The following TNXB variants were observed in gnomAD, a reference collection of about 807,000 sequenced individuals.
TNXB encodes the protein tenascin-X.
Under a neutral mutation model 340.5 loss-of-function variants are expected in TNXB, and 183 were observed. The ratio of observed to expected loss-of-function variants is 0.54; its 90% CI spans 0.48 to 0.61. The LOEUF (loss-of-function observed/expected upper bound fraction) is 0.61. Among genes scored for constraint, TNXB ranks in the 20% least tolerant of loss-of-function variants. The pLI, the probability that TNXB is intolerant of heterozygous loss-of-function variation, is 0.00. For synonymous variants in TNXB, 2,121 were observed against 2,314.5 expected, an observed-to-expected ratio of 0.92 and a Z score of 2.40; for missense variants, 4,613 against 5,446.4, an observed-to-expected ratio of 0.85 and a Z score of 4.82.
rs1262845873 is a variant in TNXB, at chr6:32,081,644, G to C, written c.3766C>G (p.Pro1256Ala). 1 of 1,593,262 alleles carries C rather than the reference G, an allele frequency of 6.3e-7. No individual in the cohort carries two copies. Among genetic ancestry groups the C allele is most frequent in the South Asian group, 1.1e-5 (1 of 87,422 alleles). Residue 1256 changes from proline (P) to alanine (A), a missense_variant, in exon 10 of 44, where the codon CCT becomes GCT. Coordinates refer to ENST00000644971, the MANE Select transcript of TNXB (RefSeq NM_001365276.2). The surrounding 1 kb of genome is among the most constrained non-coding windows in gnomAD (Gnocchi z 5.1). ...APERKEEPPR[P>A]EFLEQPLLGE... ...AGGAGGGGCTGCTCCAGGAACTCAG[G>C]GCGGGGGGGCTCCTCTTTCCTCTCT...
chr6:32,048,629 G>A lies in TNXB; in HGVS notation c.9779C>T (p.Pro3260Leu), dbSNP rs557119336. 1.4e-4 allele frequency: 205 copies of A among 1,512,630 alleles called. No homozygotes were observed. The highest frequency in any genetic ancestry group is 1.7e-4 in the Non-Finnish European group (187 of 1,123,352). 93.7% of individuals were successfully genotyped at this position (1,512,630 alleles called of 1,614,324 possible). A position where few individuals can be genotyped will look rare whatever the true frequency, so the allele number is the denominator to read the frequency against. The part of the protein sequence containing the change: ...GITAPLPTPL[P>L]VEPRLGELAV... Reference sequence around the variant, plus strand: ...CAGCTCCCCCAGGCGGGGCTCCACCGGCAGTGGTGTGGGCAGGGGCGCTGA... The same window carrying A: ...CAGCTCCCCCAGGCGGGGCTCCACCAGCAGTGGTGTGGGCAGGGGCGCTGA... Residue 3260 changes from proline (P) to leucine (L), a missense_variant, in exon 29 of 44, where the codon CCG becomes CTG. Physicochemically the swap from Pro to Leu is moderately conservative, Grantham distance 98. Around this residue, in one of 7 missense-constraint regions of TNXB, gnomAD observed 4,327 missense variants for 4,859.4 expected, o/e 0.89. Coordinates refer to ENST00000644971, the MANE Select transcript of TNXB (RefSeq NM_001365276.2).
rs1188080999 is a variant in TNXB at position 32,082,754 on chromosome 6, T to A, written c.3446-428A>T. Among the ~76,000 whole-genome samples, 3 of 152,136 alleles carry A rather than the reference T, an allele frequency of 2.0e-5. No individual in the cohort carries two copies. The highest frequency in any genetic ancestry group is 4.4e-5 in the Non-Finnish European group (3 of 68,028). On this transcript the variant is annotated intron_variant, in intron 8 of 43. Coordinates refer to ENST00000644971, the MANE Select transcript of TNXB (RefSeq NM_001365276.2). The surrounding 1 kb of genome is among the most constrained non-coding windows in gnomAD (Gnocchi z 5.0). ...CTCCAAGAGAGGAGAGCACAATCCT[T>A]GAAGCGTTTTAACGTGGGACAGCCT...
Position 32,068,311 on chromosome 6 carries a change from T to C in TNXB, c.6220+79A>G. 2 of 1,543,476 alleles carry C rather than the reference T, an allele frequency of 1.3e-6. No homozygotes were observed. The highest frequency in any genetic ancestry group is 1.8e-6 in the Non-Finnish European group (2 of 1,140,922). On this transcript the variant is annotated intron_variant, in intron 17 of 43. Transcript: ENST00000644971. The surrounding 1 kb of genome is among the most constrained non-coding windows in gnomAD (Gnocchi z 5.3). The stretch of plus-strand genomic sequence containing the variant: ...TGGTGCTGACCAGACCCTTGTCCCA[T>C]TCCCCACCAGTCATCACCAAAGAGC...
intron 21 of TNXB, among the ~76,000 whole-genome samples, chr6:32,060,944 T>A (rs1777968920): frequency 6.6e-6 from 1 of 152,002 alleles, no homozygotes; most frequent in South Asian, 2.1e-4. Context: ...CAGCCTAGGC[T>A]CTCTTTTTTC....
rs1396394222 is a variant in TNXB, at chr6:32,072,587, G to T, written c.4682-289C>A. Among the ~76,000 whole-genome samples, 7 of 152,200 alleles carry T rather than the reference G, an allele frequency of 4.6e-5. No individual in the cohort carries two copies. Among genetic ancestry groups the T allele is most frequent in the Non-Finnish European group, 1.0e-4 (7 of 68,034 alleles). On this transcript the variant is annotated intron_variant, in intron 12 of 43. Transcript: ENST00000644971. The surrounding 1 kb of genome is among the most constrained non-coding windows in gnomAD (Gnocchi z 4.4). Reference sequence around the variant, plus strand: ...ATATCCATCACTGCTTCTAAATTTTGTAGTTTAGTAAACGCGCCACCAAGT... The same window carrying T: ...ATATCCATCACTGCTTCTAAATTTTTTAGTTTAGTAAACGCGCCACCAAGT...
chr6:32,085,192 C>T lies in TNXB; in HGVS notation c.3149-483G>A, dbSNP rs745665926. Among the ~76,000 whole-genome samples the T allele has an allele frequency of 6.6e-6, 1 of 152,050 alleles. No individual in the cohort carries two copies. Among genetic ancestry groups the T allele is most frequent in the African/African-American group, 2.4e-5 (1 of 41,372 alleles). On this transcript the variant is annotated intron_variant, in intron 7 of 43. Transcript: ENST00000644971. The surrounding 1 kb of genome is among the most constrained non-coding windows in gnomAD (Gnocchi z 6.4). ...ACCCCAGGACCTGTCTTTCACTGGT[C>T]CTGCAAACCTCATCCATGTCTGAAG...
intron 1 of TNXB, among the ~76,000 whole-genome samples, chr6:32,101,352 C>T (rs57832019): frequency 1.3e-5 from 2 of 151,962 alleles, no homozygotes; most frequent in Admixed American, 1.3e-4. Context: ...TGCAGTGGTG[C>T]GTCTTGGCTC....
Position 32,085,613 on chromosome 6 carries a change from T to C in TNXB, c.3148+137A>G, listed in dbSNP as rs766610241. ...GAACCTGCAATTCCTTTTCTCTCCT[T>C]TTCTCCTCTATCCAGCCCCAAACAT... On this transcript the variant is annotated intron_variant, in intron 7 of 43. Transcript: ENST00000644971. The surrounding 1 kb of genome is among the most constrained non-coding windows in gnomAD (Gnocchi z 6.4). The C allele has an allele frequency of 3.9e-6, 4 of 1,022,454 alleles. No homozygotes were observed. Among genetic ancestry groups the C allele is most frequent in the Non-Finnish European group, 5.3e-6 (4 of 758,752 alleles). The allele number at this position is 1,022,454 out of a possible 1,614,324, so 63.3% of individuals were successfully genotyped here. A position where few individuals can be genotyped will look rare whatever the true frequency, so the allele number is the denominator to read the frequency against.
rs371265858 is a variant in TNXB at position 32,056,809 on chromosome 6, G to T, written c.7920C>A (p.Thr2640=). The T allele has an allele frequency of 1.9e-5, 30 of 1,613,064 alleles. No individual in the cohort carries two copies. Among genetic ancestry groups the T allele is most frequent in the Middle Eastern group, 3.3e-4 (2 of 6,084 alleles). Residue 2640 remains threonine, a synonymous_variant, in exon 23 of 44, where the codon ACC becomes ACA. Coordinates refer to ENST00000644971, the MANE Select transcript of TNXB (RefSeq NM_001365276.2). ...RLGELTMTDA[T]PDSLSLSWTV... ...TCCAGGACAGGCTGAGGGAGTCAGG[G>T]GTGGCATCTGTCATGGTCAGCTCCC...
chr6:32,057,107 C>T (rs1373766008), intron 22 of TNXB, among the ~76,000 whole-genome samples: 1 of 151,950 alleles, frequency 6.6e-6, no homozygotes, highest in African/African-American at 2.4e-5. Flanking sequence ...CCCACCTCAC[C>T]CCCACCTCCC....
At chr6:32,102,779 G>C (rs1378146267) in intron 1 of TNXB, among the ~76,000 whole-genome samples, 2 of 152,074 alleles carry the variant, frequency 1.3e-5, no homozygotes, top group African/African-American at 4.8e-5. Flanking sequence ...AATTAGCTGG[G>C]CATGGTGGCA....
chr6:32,097,521 A>G lies in TNXB; in HGVS notation c.404-72T>C, dbSNP rs994603257. ...GAGGCTGAGCCTATGTAGTGCTCCTATGTGCAGGCCCCTAGCCAGGCTAGC... is the reference window on the plus strand; with the variant it reads ...GAGGCTGAGCCTATGTAGTGCTCCTGTGTGCAGGCCCCTAGCCAGGCTAGC... On this transcript the variant is annotated intron_variant, in intron 2 of 43. Coordinates refer to ENST00000644971, the MANE Select transcript of TNXB (RefSeq NM_001365276.2). The surrounding 1 kb of genome is among the most constrained non-coding windows in gnomAD (Gnocchi z 5.9). The G allele has an allele frequency of 1.3e-6, 2 of 1,517,040 alleles. No homozygotes were observed. The highest frequency in any genetic ancestry group is 2.7e-5 in the African/African-American group (2 of 72,934). The allele number at this position is 1,517,040 out of a possible 1,614,324, so 94.0% of individuals were successfully genotyped here.
rs1440152932 is a variant in TNXB, at chr6:32,081,923, G to A, written c.3736+113C>T. The A allele has an allele frequency of 3.6e-6, 4 of 1,098,764 alleles. No homozygotes were observed. Among genetic ancestry groups the A allele is most frequent in the Middle Eastern group, 2.9e-4 (1 of 3,472 alleles). The allele number at this position is 1,098,764 out of a possible 1,614,324, so 68.1% of individuals were successfully genotyped here. A position where few individuals can be genotyped will look rare whatever the true frequency, so the allele number is the denominator to read the frequency against. ...TGCCCCTCAGCCCTGGAGTGGGGCC[G>A]GGAAGCTGGAGTCAGCTGTCTTGCT... On this transcript the variant is annotated intron_variant, in intron 9 of 43. Transcript: ENST00000644971. The surrounding 1 kb of genome is among the most constrained non-coding windows in gnomAD (Gnocchi z 5.1).
rs1362523737 is a variant in TNXB at position 32,069,563 on chromosome 6, G to A, written c.5577C>T (p.Val1859=). The A allele has an allele frequency of 3.2e-6, 5 of 1,570,592 alleles. No homozygotes were observed. The South Asian group carries it at 3.5e-5, about 11-fold the overall frequency. The change falls in exon 15 of 44, where the codon GTC becomes GTT. Residue 1859 remains valine (V), a synonymous_variant. Coordinates refer to ENST00000644971, the MANE Select transcript of TNXB (RefSeq NM_001365276.2). The surrounding 1 kb of genome is among the most constrained non-coding windows in gnomAD (Gnocchi z 6.2). ...HGKRVGPISA[V]AITAGREETE... Reference sequence around the variant, plus strand: ...CTGCCGCACACTCACCAGTAATGGCGACGGCCGAGATGGGGCCCACACGCT... The same window carrying A: ...CTGCCGCACACTCACCAGTAATGGCAACGGCCGAGATGGGGCCCACACGCT...
At chr6:32,098,456 TTTTTGTTTTGTTTTG>T (rs60265005) in intron 1 of TNXB, among the ~76,000 whole-genome samples, 44 of 151,796 alleles carry the variant, frequency 2.9e-4, no homozygotes, top group Non-Finnish European at 5.0e-4. Context: ...TACACTGGTT[TTTTTGTTTTGTTTTG>T]TTTTGTTTTG....
rs747625465 is a variant in TNXB at position 32,058,132 on chromosome 6, C to G, written c.7751G>C (p.Arg2584Pro). ...GCCGTACAGGTGCATCTTGTACTTG[C>G]GCCCAGGCTCCAGGCCCCTCACAGT... ...KVTVRGLEPG[R>P]KYKMHLYGLH... Residue 2584 changes from arginine to proline, a missense_variant, in exon 22 of 44, where the codon CGC (arginine) becomes CCC (proline). Physicochemically the swap from Arg to Pro is moderately radical, Grantham distance 103. This residue lies in a region of TNXB where 4,327 missense variants were observed against 4,859.4 expected (regional missense o/e 0.89). Transcript: ENST00000644971. This position sits in a 1 kb window ranked among gnomAD's most constrained non-coding sequence, Gnocchi z 5.1. The G allele has an allele frequency of 2.5e-6, 4 of 1,612,582 alleles. No individual in the cohort carries two copies. Among genetic ancestry groups the G allele is most frequent in the Non-Finnish European group, 3.4e-6 (4 of 1,179,834 alleles).
At position 32,070,464 on chromosome 6, in the gene TNXB, C is replaced by T. The variant is rs1237763875; in HGVS notation, c.4991-50G>A. On this transcript the variant is annotated intron_variant, in intron 13 of 43. Coordinates refer to ENST00000644971, the MANE Select transcript of TNXB (RefSeq NM_001365276.2). The surrounding 1 kb of genome is among the most constrained non-coding windows in gnomAD (Gnocchi z 6.0). ...TATTTTTTCCAAAACGACTCCTTGA[C>T]TGCCTCCCTCTGGGGCTGGAAAAAC... The T allele has an allele frequency of 1.3e-6, 2 of 1,490,500 alleles. No homozygotes were observed. Among genetic ancestry groups the T allele is most frequent in the East Asian group, 2.4e-5 (1 of 42,234 alleles). 92.3% of individuals were successfully genotyped at this position (1,490,500 alleles called of 1,614,324 possible). A position where few individuals can be genotyped will look rare whatever the true frequency, so the allele number is the denominator to read the frequency against.
chr6:32,052,680 C>G lies in TNXB; in HGVS notation c.9105G>C (p.Val3035=). 1 of 1,613,170 alleles carries G rather than the reference C, an allele frequency of 6.2e-7. No homozygotes were observed. The highest frequency in any genetic ancestry group is 8.5e-7 in the Non-Finnish European group (1 of 1,179,466). The part of the protein sequence containing the change: ...EGQRVGPVSA[V]GVTAPKDEAE... ...CTCACACTTACTCACCTGTCACACC[C>G]ACAGCGGACACTGGGCCCACGCGCT... The change falls in exon 26 of 44, where the codon GTG becomes GTC. Residue 3035 remains valine, a synonymous_variant. Transcript: ENST00000644971. The surrounding 1 kb of genome is among the most constrained non-coding windows in gnomAD (Gnocchi z 4.7).
chr6:32,061,867 C>T lies in TNXB; in HGVS notation c.7169-147G>A. The T allele has an allele frequency of 8.2e-7, 1 of 1,217,082 alleles. No individual in the cohort carries two copies. The highest frequency in any genetic ancestry group is 1.1e-6 in the Non-Finnish European group (1 of 892,854). The allele number at this position is 1,217,082 out of a possible 1,614,324, so 75.4% of individuals were successfully genotyped here. ...GGACCTGAGGTCAGTTCAGAGAGGC[C>T]CATTCTTGGGGTCCTGCTCAGCTGA... On this transcript the variant is annotated intron_variant, in intron 20 of 43. Coordinates refer to ENST00000644971, the MANE Select transcript of TNXB (RefSeq NM_001365276.2). The surrounding 1 kb of genome is among the most constrained non-coding windows in gnomAD (Gnocchi z 4.4).
Sources: gnomAD v4.1 joint callset for allele counts (sites outside exome capture counted in the v4.1 genomes callset) on GRCh38, gnomAD v4.1.1 for gene constraint, gnomAD v4.1.1 regional missense constraint, Gnocchi (gnomAD v3.1) non-coding constraint, MANE v1.5 for transcripts, NCBI Gene and HGNC (gene_info 2026-07-23, HGNC 2026-07-21) for gene names.